The following SLC24A2 variants were observed in gnomAD, a reference collection of about 807,000 sequenced individuals.
SLC24A2 encodes the protein sodium/potassium/calcium exchanger 2.
SLC24A2 carries 36 observed loss-of-function variants against 62.0 expected under a neutral mutation model. The ratio of observed to expected loss-of-function variants is 0.58; its 90% CI spans 0.44 to 0.77. SLC24A2 has a LOEUF of 0.77. SLC24A2 is among the 30% of genes least tolerant of loss of function. SLC24A2 has a pLI of 0.00. For synonymous variants in SLC24A2, 358 were observed against 294.0 expected (o/e 1.22, Z -2.23); for missense variants, 846 against 817.9 (o/e 1.03, Z -0.42).
chr9:19,786,731 G>C lies in SLC24A2; in HGVS notation c.136C>G (p.Leu46Val), dbSNP rs1823186649. The C allele has an allele frequency of 2.5e-6, 4 of 1,606,314 alleles. No homozygotes were observed. Among genetic ancestry groups the C allele is most frequent in the Non-Finnish European group, 3.4e-6 (4 of 1,175,566 alleles). ...AATGAGACAGTGCTAATGGCTACCA[G>C]ACCCATGAAAAGGCCTAAGACTCGA... ...LIRVLGLFMG[L>V]VAISTVSFSI... is the part of the protein sequence containing the mutation. The change falls in exon 2 of 11, where the codon CTG becomes GTG. Residue 46 changes from leucine (L) to valine (V), a missense_variant. Leu to Val is a conservative substitution (Grantham distance 32, BLOSUM62 1). Coordinates refer to ENST00000341998, the MANE Select transcript of SLC24A2 (RefSeq NM_020344.4). This position sits in a 1 kb window ranked among gnomAD's most constrained non-coding sequence, Gnocchi z 5.0.
rs373402383 is a variant in SLC24A2 at position 19,550,192 on chromosome 9, A to G, written c.1424T>C (p.Ile475Thr). ...SETRKQVTFL[I>T]VFPIVFPLWI... Reference sequence around the variant, plus strand: ...GAGAGGAAACACTATGGGGAAAACAATCAGAAACGTGACTTGCTTGCGGGT... The same window carrying G: ...GAGAGGAAACACTATGGGGAAAACAGTCAGAAACGTGACTTGCTTGCGGGT... The change falls in exon 8 of 11, where the codon ATT (isoleucine) becomes ACT (threonine). Residue 475 changes from isoleucine (I) to threonine (T), a missense_variant. By Grantham distance (89) the Ile-to-Thr change is moderately conservative. Transcript: ENST00000341998. 7 of 1,614,062 alleles carry G rather than the reference A, an allele frequency of 4.3e-6. No homozygotes were observed. In the East Asian group the frequency reaches 6.7e-5, roughly 15 times the overall value.
chr9:19,792,639 C>T (rs570393609), upstream of SLC24A2, among the ~76,000 whole-genome samples: 6 of 150,352 alleles, frequency 4.0e-5, no homozygotes, highest in South Asian at 2.1e-4. Flanking sequence ...ACCTGGGATG[C>T]GGAGGGTGCA....
chr9:20,233,890 C>T, the SLC24A2 span, among the ~76,000 whole-genome samples: 15 of 152,160 alleles, frequency 9.9e-5, no homozygotes, highest in Non-Finnish European at 2.2e-4. Context: ...ATGTTTAATG[C>T]TTCCTTCAGG....
the SLC24A2 span, among the ~76,000 whole-genome samples, chr9:20,093,351 C>T: frequency 9.9e-5 from 15 of 152,196 alleles, no homozygotes; most frequent in South Asian, 2.1e-4. Flanking sequence ...GGATTATAGG[C>T]GTGAACCACC....
chr9:20,215,387 G>A, the SLC24A2 span, among the ~76,000 whole-genome samples: 10 of 152,078 alleles, frequency 6.6e-5, no homozygotes, highest in East Asian at 1.7e-3. Flanking sequence ...CGAGAACTAT[G>A]TTATAAAACA....
At chr9:19,633,167 G>T (rs966986088) in intron 2 of SLC24A2, among the ~76,000 whole-genome samples, 2 of 152,098 alleles carry the variant, frequency 1.3e-5, no homozygotes, top group African/African-American at 4.8e-5. Flanking sequence ...AATATTTCAT[G>T]GTATGGATAT....
At chr9:20,134,019 C>T in the SLC24A2 span, among the ~76,000 whole-genome samples, 1 of 152,112 alleles carries the variant, frequency 6.6e-6, no homozygotes, top group Non-Finnish European at 1.5e-5. Flanking sequence ...AAAACAGGAG[C>T]AGACCATGGA....
intron 5 of SLC24A2, among the ~76,000 whole-genome samples, chr9:19,578,170 C>G (rs140490334): frequency 1.2e-3 from 181 of 151,972 alleles, no homozygotes; most frequent in African/African-American, 4.1e-3. Context: ...CAAAATCTCA[C>G]AAATCACCAC....
At chr9:20,272,333 G>A in the SLC24A2 span, among the ~76,000 whole-genome samples, 1 of 152,174 alleles carries the variant, frequency 6.6e-6, no homozygotes, top group Non-Finnish European at 1.5e-5. Flanking sequence ...ATCATCCAGA[G>A]AGAACTGCTG....
At chr9:19,622,419 C>G (rs1817929998) in intron 2 of SLC24A2, 120 bp from the exon 3 acceptor site, 18 of 1,065,726 alleles carry the variant, frequency 1.7e-5, no homozygotes, top group Admixed American at 2.0e-5. Context: ...CTTTCTGCTC[C>G]TGGGATGAGT....
upstream of SLC24A2, among the ~76,000 whole-genome samples, chr9:19,793,744 A>G (rs537693246): frequency 9.2e-5 from 14 of 152,292 alleles, no homozygotes; most frequent in East Asian, 2.5e-3. Context: ...ACTATTCCTC[A>G]TAGTATATGA....
intron 2 of SLC24A2, among the ~76,000 whole-genome samples, chr9:19,694,811 T>C (rs1028185223): frequency 2.6e-5 from 4 of 152,124 alleles, no homozygotes; most frequent in Admixed American, 6.6e-5. Flanking sequence ...GAATTTAAAC[T>C]AGGAGGCTTG....
chr9:19,788,828 G>C (rs1188891318), intron 1 of SLC24A2, 57 bp downstream of exon 1: 1 of 985,428 alleles, frequency 1.0e-6, no homozygotes, highest in Non-Finnish European at 1.2e-6. Flanking sequence ...ACCGGGATGC[G>C]GGGACGACCG....
At chr9:20,074,751 C>T in the SLC24A2 span, among the ~76,000 whole-genome samples, 6 of 151,854 alleles carry the variant, frequency 4.0e-5, no homozygotes, top group Non-Finnish European at 7.4e-5. Context: ...TAATATGCTG[C>T]CCCTATAGTG....
At chr9:19,911,391 T>A in the SLC24A2 span, among the ~76,000 whole-genome samples, 1 of 152,180 alleles carries the variant, frequency 6.6e-6, no homozygotes, top group African/African-American at 2.4e-5. Context: ...TGTGCATGTG[T>A]CTTTATAGCA....
rs553079374 is a variant in SLC24A2 at position 19,547,765 on chromosome 9, C to T, written c.1479+2372G>A. Among the ~76,000 whole-genome samples the T allele has an allele frequency of 6.6e-5, 10 of 151,702 alleles. 1 individual carries two copies. Among genetic ancestry groups the T allele is most frequent in the African/African-American group, 2.4e-4 (10 of 40,966 alleles). ...CTTTTGGGAATTTAGAAAACTGTAT[C>T]TGTCTCCCTGATTTTCCTCCCTAGG... On this transcript the variant is annotated intron_variant, in intron 8 of 10. Transcript: ENST00000341998.
chr9:19,692,349 G>A (rs565368428), intron 2 of SLC24A2, among the ~76,000 whole-genome samples: 1 of 152,180 alleles, frequency 6.6e-6, no homozygotes, highest in South Asian at 2.1e-4. Flanking sequence ...GAATTTTACA[G>A]ACACTAATAA....
the SLC24A2 span, among the ~76,000 whole-genome samples, chr9:19,984,376 AAC>A: frequency 6.6e-6 from 1 of 152,162 alleles, no homozygotes; most frequent in Non-Finnish European, 1.5e-5. Context: ...GCATAAAAAG[AAC>A]ACACAGACTA....
the SLC24A2 span, among the ~76,000 whole-genome samples, chr9:20,177,033 G>A: frequency 6.6e-6 from 1 of 152,054 alleles, no homozygotes; most frequent in Admixed American, 6.6e-5. Context: ...TTGATTCACA[G>A]AAATGTCTAT....
Sources: allele counts gnomAD v4.1 joint callset (sites outside exome capture counted in the v4.1 genomes callset), GRCh38; gene constraint gnomAD v4.1.1; non-coding constraint Gnocchi (gnomAD v3.1); transcripts MANE v1.5; gene names NCBI Gene and HGNC (gene_info 2026-07-23, HGNC 2026-07-21).